Variants in EMC7 observed in about 807,000 individuals in gnomAD.
EMC7 encodes the protein endoplasmic reticulum membrane protein complex subunit 7.
EMC7 carries 4 observed loss-of-function variants against 24.4 expected under a neutral mutation model. The ratio of observed to expected loss-of-function variants is 0.16; its 90% CI spans 0.08 to 0.38. The LOEUF (loss-of-function observed/expected upper bound fraction) is 0.38, where lower values mean the gene tolerates loss of function less well. Among genes scored for constraint, EMC7 ranks in the 10% least tolerant of loss-of-function variants. The pLI, the probability that EMC7 is intolerant of heterozygous loss-of-function variation, is 1.00. For synonymous variants in EMC7, 106 were observed against 112.0 expected, an observed-to-expected ratio of 0.95 and a Z score of 0.34; for missense variants, 221 against 300.6, an observed-to-expected ratio of 0.74 and a Z score of 1.96.
intron 4 of EMC7, chr15:34,086,197 C>G (rs1399097023): frequency 7.9e-6 from 3 of 381,488 alleles, no homozygotes; most frequent in Non-Finnish European, 1.5e-5. Flanking sequence ...TTGTCAACAC[C>G]TCTAGGTTTC....
rs185632531 is a variant in EMC7, at chr15:34,097,877, G to C, written c.237-1863C>G. Among the ~76,000 whole-genome samples the C allele has an allele frequency of 3.9e-3, 591 of 151,422 alleles. 5 individuals are homozygous for C. The highest frequency in any genetic ancestry group is 0.014 in the African/African-American group (574 of 41,322). ...CCAGCTACTCAGGAGGCTGGGGCAG[G>C]AGAATCACTTGAACCTGGGAGGCGG... On this transcript the variant is annotated intron_variant, in intron 1 of 4. Transcript: ENST00000256545.
intron 2 of EMC7, among the ~76,000 whole-genome samples, chr15:34,091,060 G>A (rs1483127476): frequency 6.6e-6 from 1 of 152,134 alleles, no homozygotes; most frequent in Non-Finnish European, 1.5e-5. Flanking sequence ...CACTGTCATT[G>A]CTGTGTTGGG....
At chr15:34,093,217 A>T (rs1901006252) in intron 2 of EMC7, among the ~76,000 whole-genome samples, 1 of 152,152 alleles carries the variant, frequency 6.6e-6, no homozygotes, top group South Asian at 2.1e-4. Flanking sequence ...AGGCAGGAGG[A>T]TCATGATGTC....
intron 1 of EMC7, among the ~76,000 whole-genome samples, chr15:34,098,802 T>C (rs1056806456): frequency 4.0e-5 from 6 of 151,078 alleles, no homozygotes; most frequent in Non-Finnish European, 8.8e-5. Context: ...TTTTTTCAGA[T>C]CCAGAAAAAA....
intron 4 of EMC7, among the ~76,000 whole-genome samples, chr15:34,087,387 C>G (rs1326618952): frequency 2.0e-5 from 3 of 152,194 alleles, no homozygotes; most frequent in Non-Finnish European, 2.9e-5. Flanking sequence ...TTGGAAGCAT[C>G]CTACTTAGCA....
At position 34,084,499 on chromosome 15, in the gene EMC7, A is replaced by G. The variant is rs929495721; in HGVS notation, c.577-13T>C. 15 of 1,610,554 alleles carry G rather than the reference A, an allele frequency of 9.3e-6. No individual in the cohort carries two copies. Among genetic ancestry groups the G allele is most frequent in the East Asian group, 2.2e-5 (1 of 44,766 alleles). On this transcript the variant is annotated splice_polypyrimidine_tract_variant and intron_variant, in intron 4 of 4. Coordinates refer to ENST00000256545, the MANE Select transcript of EMC7 (RefSeq NM_020154.3). ...ACTGCTCCATTTCCTGCAAGAAGAC[A>G]AGGCACAATGATATGTAGGATCCTT...
intron 4 of EMC7, among the ~76,000 whole-genome samples, chr15:34,086,714 C>G (rs375571739): frequency 6.6e-6 from 1 of 152,252 alleles, no homozygotes; most frequent in Admixed American, 6.5e-5. Flanking sequence ...CAGGCCTGCG[C>G]CACCGCGCCC....
At chr15:34,090,746 T>C (rs1900963910) in intron 2 of EMC7, among the ~76,000 whole-genome samples, 1 of 152,224 alleles carries the variant, frequency 6.6e-6, no homozygotes, top group Admixed American at 6.5e-5. Context: ...TCTATTTATG[T>C]CAAAAGTTCT....
At chr15:34,090,528 T>A in intron 2 of EMC7, 73 bp from the exon 3 acceptor site, 4 of 1,457,318 alleles carry the variant, frequency 2.7e-6, no homozygotes, top group Non-Finnish European at 3.7e-6. Flanking sequence ...CTGCTTATAT[T>A]ATATTAGCAA....
At chr15:34,093,368 C>T (rs990829746) in intron 2 of EMC7, among the ~76,000 whole-genome samples, 130 of 150,920 alleles carry the variant, frequency 8.6e-4, no homozygotes, top group African/African-American at 3.1e-3. Context: ...ACCCGGGAGG[C>T]GGAGGTTGCA....
chr15:34,097,044 T>TTTTTTTTTTTTTC (rs1210656584), intron 1 of EMC7, among the ~76,000 whole-genome samples: 1 of 136,398 alleles, frequency 7.3e-6, no homozygotes, highest in African/African-American at 2.7e-5. Flanking sequence ...TTCTTCTTTT[T>TTTTTTTTTTTTTC]TTTTTTTGAG....
intron 2 of EMC7, among the ~76,000 whole-genome samples, chr15:34,093,823 A>ATATATATATATATATATT (rs1190830993): frequency 2.1e-5 from 1 of 48,714 alleles, no homozygotes; most frequent in Non-Finnish European, 3.3e-5. Flanking sequence ...ATATATATAT[A>ATATATATATATATATATT]TTTTTTTTTT....
intron 4 of EMC7, among the ~76,000 whole-genome samples, chr15:34,087,234 C>T (rs1000644837): frequency 1.3e-5 from 2 of 152,152 alleles, no homozygotes; most frequent in Non-Finnish European, 2.9e-5. Context: ...GTCACCACAT[C>T]TATATACTAA....
intron 4 of EMC7, among the ~76,000 whole-genome samples, chr15:34,087,044 GAAAAGA>G (rs1405514939): frequency 1.3e-5 from 2 of 152,006 alleles, no homozygotes; most frequent in African/African-American, 4.8e-5. Context: ...TAAGAAAAAA[GAAAAGA>G]AAAAGTCACA....
Position 34,101,661 on chromosome 15 carries a change from T to A in EMC7, c.179A>T (p.Asp60Val). 6.2e-7 allele frequency: 1 copy of A among 1,613,318 alleles called. No homozygotes were observed. Among genetic ancestry groups the A allele is most frequent in the Admixed American group, 1.7e-5 (1 of 59,914 alleles). ...CAGCACTCGGGCCGCCGAGATCCAG[T>A]CCTGAGGCTTCACCCCTGGAACAAC... ...RAVVPGVKPQDWISAARVLVD... is the reference protein window; with the variant it reads ...RAVVPGVKPQVWISAARVLVD... The change falls in exon 1 of 5, where the codon GAC (aspartate) becomes GTC (valine). Residue 60 changes from aspartate (D) to valine (V), a missense_variant. This residue lies in a region of EMC7 where 156 missense variants were observed against 177.1 expected (regional missense o/e 0.88). Transcript: ENST00000256545.
intron 1 of EMC7, among the ~76,000 whole-genome samples, 154 bp from the exon 2 acceptor site, chr15:34,096,168 G>GT (rs1292295625): frequency 1.3e-5 from 2 of 152,146 alleles, no homozygotes; most frequent in Non-Finnish European, 2.9e-5. Flanking sequence ...CTATGCTTCA[G>GT]TTTCTTTTCT....
At position 34,084,191 on chromosome 15, in the gene EMC7, G is replaced by A. The variant is rs143031568; in HGVS notation, c.*143C>T. 1.5e-5 allele frequency: 15 copies of A among 1,026,234 alleles called. No individual in the cohort carries two copies. The African/African-American group carries it at 2.4e-4, about 17-fold the overall frequency. The allele number at this position is 1,026,234 out of a possible 1,614,324, so 63.6% of individuals were successfully genotyped here. ...CTCGTGTACCAAGTACAAAACATGT[G>A]CTAAAAAGTTAACATACACAGTTGT... On this transcript the variant is annotated 3_prime_UTR_variant, in exon 5 of 5. Coordinates refer to ENST00000256545, the MANE Select transcript of EMC7 (RefSeq NM_020154.3).
intron 1 of EMC7, among the ~76,000 whole-genome samples, chr15:34,099,881 T>C (rs1901147710): frequency 6.6e-6 from 1 of 151,968 alleles, no homozygotes; most frequent in South Asian, 2.1e-4. Context: ...AGATTACAGG[T>C]ATGAGCCACC....
intron 4 of EMC7, 43 bp downstream of exon 4, chr15:34,088,010 T>C (rs761214116): frequency 5.9e-6 from 9 of 1,535,698 alleles, no homozygotes; most frequent in Non-Finnish European, 8.0e-6. Context: ...AGAGGCTCTA[T>C]CTCTTAAAAA....
Sources: gnomAD v4.1 joint callset for allele counts (sites outside exome capture counted in the v4.1 genomes callset) on GRCh38, gnomAD v4.1.1 for gene constraint, gnomAD v4.1.1 regional missense constraint, MANE v1.5 for transcripts, NCBI Gene and HGNC (gene_info 2026-07-23, HGNC 2026-07-21) for gene names.